The following TMEM232 variants were observed in gnomAD, a reference collection of about 807,000 sequenced individuals.
The protein encoded by TMEM232 is transmembrane protein 232.
Under a neutral mutation model 78.8 loss-of-function variants are expected in TMEM232, and 80 were observed. The ratio of observed to expected loss-of-function variants is 1.01; its 90% confidence interval spans 0.85 to 1.22. The LOEUF (loss-of-function observed/expected upper bound fraction) is 1.22, where lower values mean the gene tolerates loss of function less well. Ranked by LOEUF, TMEM232 falls within the 50% of genes most tolerant of loss-of-function variation. The probability of loss-of-function intolerance (pLI) is 0.00; values close to 1 mark genes in which losing one functional copy is unlikely to be tolerated. For synonymous variants in TMEM232, 297 were observed against 254.3 expected (o/e 1.17, Z -1.60); for missense variants, 881 against 742.2 (o/e 1.19, Z -2.17).
Position 110,618,527 on chromosome 5 carries a change from A to G in TMEM232, c.804T>C (p.Cys268=). ...GYEINHLLWH[C]VAAWSCVQNN... The stretch of plus-strand genomic sequence containing the variant: ...TCTGAACACAAGACCAAGCAGCAAC[A>G]CAGTGCCAGAGCAGGTGGTTAATTT... Residue 268 remains cysteine, a synonymous_variant, in exon 8 of 14, where the codon TGT becomes TGC. Coordinates refer to ENST00000455884, the MANE Select transcript of TMEM232 (RefSeq NM_001039763.4). 1.9e-6 allele frequency: 3 copies of G among 1,551,526 alleles called. No homozygotes were observed. Among genetic ancestry groups the G allele is most frequent in the Non-Finnish European group, 2.6e-6 (3 of 1,146,818 alleles).
intron 2 of TMEM232, among the ~76,000 whole-genome samples, chr5:110,661,353 C>G (rs148150129): frequency 8.2e-4 from 124 of 152,114 alleles, no homozygotes; most frequent in African/African-American, 3.0e-3. Flanking sequence ...GCTCTGTGGC[C>G]CAGGCTGAAG....
intron 8 of TMEM232, among the ~76,000 whole-genome samples, chr5:110,612,701 TAC>T (rs1194120078): frequency 1.3e-5 from 2 of 152,170 alleles, no homozygotes; most frequent in South Asian, 4.1e-4. Flanking sequence ...TTTTTTGGAA[TAC>T]ACTTATGGAG....
chr5:110,437,079 T>C (rs991023659), intron 12 of TMEM232, among the ~76,000 whole-genome samples: 2 of 152,080 alleles, frequency 1.3e-5, no homozygotes, highest in African/African-American at 4.8e-5. Flanking sequence ...TTCCAATCCA[T>C]GAACATGAAA....
At chr5:110,668,989 G>A (rs1790988882) in intron 1 of TMEM232, among the ~76,000 whole-genome samples, 1 of 152,106 alleles carries the variant, frequency 6.6e-6, no homozygotes, top group Non-Finnish European at 1.5e-5. Flanking sequence ...GTGTGCAGAG[G>A]GAAATTTATA....
chr5:110,449,441 TG>T (rs1760021118), intron 12 of TMEM232, among the ~76,000 whole-genome samples: 3 of 152,024 alleles, frequency 2.0e-5, no homozygotes. Context: ...TGAAATAAAA[TG>T]GTTGCTTTTT....
chr5:110,703,888 A>C (rs953678445), intron 1 of TMEM232, among the ~76,000 whole-genome samples: 49 of 152,190 alleles, frequency 3.2e-4, no homozygotes, highest in African/African-American at 1.2e-3. Context: ...AAGCTTTTCA[A>C]ATTACTCGGC....
At chr5:110,640,777 T>C (rs1208137783) in intron 4 of TMEM232, 114 bp downstream of exon 4, 5 of 559,870 alleles carry the variant, frequency 8.9e-6, no homozygotes, top group Non-Finnish European at 1.1e-5. Context: ...TTTGATAGAG[T>C]AGAAAAATTT....
chr5:110,552,032 T>C lies in TMEM232; in HGVS notation c.1455+16415A>G, dbSNP rs559923144. On this transcript the variant is annotated intron_variant, in intron 11 of 13. Coordinates refer to ENST00000455884, the MANE Select transcript of TMEM232 (RefSeq NM_001039763.4). Reference sequence around the variant, plus strand: ...AGGAAATTGAGCATACATAGTGGCATAAAAATACAGAAAGAAATGAAGAAT... The same window carrying C: ...AGGAAATTGAGCATACATAGTGGCACAAAAATACAGAAAGAAATGAAGAAT... 1.2e-3 allele frequency among the ~76,000 whole-genome samples: 184 copies of C among 152,168 alleles called. 5 individuals carry two copies. The South Asian group carries it at 0.037, about 30-fold the overall frequency.
At chr5:110,469,735 A>G (rs531085997) in intron 12 of TMEM232, among the ~76,000 whole-genome samples, 1 of 152,248 alleles carries the variant, frequency 6.6e-6, no homozygotes, top group East Asian at 1.9e-4. Flanking sequence ...CTGAAATGAC[A>G]CATTGCCTTC....
chr5:110,620,593 CTCTCTCTCTCTCTCTCTCTCTCT>C (rs1783526565), intron 7 of TMEM232, among the ~76,000 whole-genome samples: 1 of 82,128 alleles, frequency 1.2e-5, no homozygotes, highest in Admixed American at 1.2e-4. Context: ...CTCTCTCTCT[CTCTCTCTCTCTCTCTCTCTCTCT>C]CTCTCTCTCT....
chr5:110,618,762 G>A (rs1449177741), intron 7 of TMEM232, among the ~76,000 whole-genome samples, 200 bp from the exon 8 acceptor site: 2 of 152,106 alleles, frequency 1.3e-5, no homozygotes, highest in African/African-American at 4.8e-5. Flanking sequence ...CCTAATGTAT[G>A]TATTTTTCAC....
intron 10 of TMEM232, among the ~76,000 whole-genome samples, chr5:110,578,443 C>A (rs951254623): frequency 6.6e-6 from 1 of 151,912 alleles, no homozygotes; most frequent in African/African-American, 2.4e-5. Context: ...ACTAAGATTC[C>A]GAGAGATATA....
chr5:110,642,257 T>C lies in TMEM232; in HGVS notation c.237+3A>G, dbSNP rs1786840884. On this transcript the variant is annotated splice_donor_region_variant and intron_variant, in intron 3 of 13. Coordinates refer to ENST00000455884, the MANE Select transcript of TMEM232 (RefSeq NM_001039763.4). Reference sequence around the variant, plus strand: ...GCTCAACAATCAAATGATATGCCATTACCTTACATCTGAGAATGATTTTTC... The same window carrying C: ...GCTCAACAATCAAATGATATGCCATCACCTTACATCTGAGAATGATTTTTC... 6.6e-7 allele frequency: 1 copy of C among 1,514,934 alleles called. No individual in the cohort carries two copies. The highest frequency in any genetic ancestry group is 8.9e-7 in the Non-Finnish European group (1 of 1,123,602). 93.8% of individuals were successfully genotyped at this position (1,514,934 alleles called of 1,614,324 possible). A position where few individuals can be genotyped will look rare whatever the true frequency, so the allele number is the denominator to read the frequency against.
chr5:110,487,794 T>C (rs748013847), intron 12 of TMEM232, among the ~76,000 whole-genome samples: 2 of 152,068 alleles, frequency 1.3e-5, no homozygotes, highest in African/African-American at 4.8e-5. Flanking sequence ...CTGGTTTTGG[T>C]ATTAGGGTGA....
intron 12 of TMEM232, among the ~76,000 whole-genome samples, chr5:110,425,267 T>C (rs1019313632): frequency 2.6e-5 from 4 of 152,150 alleles, no homozygotes; most frequent in Non-Finnish European, 5.9e-5. Flanking sequence ...AAAGTCTTTG[T>C]ATTACTAAGG....
chr5:110,522,455 A>G (rs1266688329), intron 12 of TMEM232, among the ~76,000 whole-genome samples: 2 of 152,214 alleles, frequency 1.3e-5, no homozygotes, highest in East Asian at 3.8e-4. Flanking sequence ...TGTTTTGAAC[A>G]GAAATAGCAA....
intron 12 of TMEM232, chr5:110,430,034 G>T (rs1302730892): frequency 6.6e-6 from 1 of 151,464 alleles, no homozygotes; most frequent in Non-Finnish European, 1.5e-5. Flanking sequence ...ATTTCTTTTA[G>T]AAGAGAATGA....
At chr5:110,604,974 T>C (rs1781362977) in intron 10 of TMEM232, 135 bp downstream of exon 10, 2 of 1,063,764 alleles carry the variant, frequency 1.9e-6, no homozygotes, top group Admixed American at 6.1e-5. Flanking sequence ...AATCATGCTA[T>C]ATTCTTCCAA....
chr5:110,460,313 ATG>A (rs1761376971), intron 12 of TMEM232, among the ~76,000 whole-genome samples: 1 of 146,962 alleles, frequency 6.8e-6, no homozygotes, highest in Non-Finnish European at 1.5e-5. Flanking sequence ...GTGTGTGTGT[ATG>A]TGTGTGTAGA....
Sources: allele counts gnomAD v4.1 joint callset (sites outside exome capture counted in the v4.1 genomes callset), GRCh38; gene constraint gnomAD v4.1.1; transcripts MANE v1.5; gene names NCBI Gene and HGNC (gene_info 2026-07-23, HGNC 2026-07-21).